Variants in RUSC2 observed in about 807,000 individuals in gnomAD.
RUSC2 encodes RUN and SH3 domain containing 2.
Under a neutral mutation model 122.2 loss-of-function variants are expected in RUSC2, and 34 were observed. The observed-to-expected ratio is 0.28, with a 90% CI of 0.21 to 0.37. RUSC2 has a LOEUF of 0.37. Ranked by LOEUF, RUSC2 falls within the 10% of genes least tolerant of loss-of-function variation. The pLI is 1.00. For missense variants in RUSC2, 1,747 were observed against 1,952.4 expected (o/e 0.89, Z 1.98); for synonymous variants, 784 against 790.0 (o/e 0.99, Z 0.13).
intron 1 of RUSC2, among the ~76,000 whole-genome samples, chr9:35,503,219 G>A (rs1474038740): frequency 6.6e-6 from 1 of 151,990 alleles, no homozygotes; most frequent in Non-Finnish European, 1.5e-5. Flanking sequence ...CCTGAGCAGT[G>A]TACACTATGC....
In RUSC2 at chr9:35,543,302, T is replaced by C. The variant is rs147862391; in HGVS notation, c.-92-3128T>C. 3.7e-3 allele frequency among the ~76,000 whole-genome samples: 570 copies of C among 152,184 alleles called. 2 individuals carry two copies. Among genetic ancestry groups the C allele is most frequent in the Non-Finnish European group, 5.8e-3 (392 of 68,022 alleles). On this transcript the variant is annotated intron_variant, in intron 1 of 11. Coordinates refer to ENST00000361226, the MANE Select transcript of RUSC2 (RefSeq NM_014806.5). The stretch of plus-strand genomic sequence containing the variant: ...TTAGCCAGGCGTGGTGGCACACACC[T>C]GTGGTCCTAGCTACTCAGGAGGCTG...
chr9:35,530,047 C>T (rs1280213136), intron 1 of RUSC2, among the ~76,000 whole-genome samples: 1 of 152,112 alleles, frequency 6.6e-6, no homozygotes, highest in Non-Finnish European at 1.5e-5. Flanking sequence ...TGCTTCCCGG[C>T]CTCAAGCCTT....
At chr9:35,542,372 T>G (rs566313142) in intron 1 of RUSC2, among the ~76,000 whole-genome samples, 7 of 152,356 alleles carry the variant, frequency 4.6e-5, no homozygotes, top group South Asian at 4.1e-4. Context: ...TAAAGATTTC[T>G]TAGGATACAG....
chr9:35,493,389 G>A (rs1020666509), intron 1 of RUSC2, among the ~76,000 whole-genome samples: 3 of 152,118 alleles, frequency 2.0e-5, no homozygotes, highest in Non-Finnish European at 4.4e-5. Flanking sequence ...TGTCATTGAT[G>A]GGTATTTAGG....
intron 1 of RUSC2, among the ~76,000 whole-genome samples, chr9:35,520,625 G>C (rs1821195778): frequency 6.6e-6 from 1 of 152,178 alleles, no homozygotes; most frequent in South Asian, 2.1e-4. Flanking sequence ...TGAAGCCCAG[G>C]AGCTAAAAGG....
chr9:35,539,568 CAT>C (rs1821601902), intron 1 of RUSC2, among the ~76,000 whole-genome samples: 1 of 117,162 alleles, frequency 8.5e-6, no homozygotes, highest in Non-Finnish European at 2.0e-5. Context: ...CACATACATA[CAT>C]ACATGCATGC....
rs1417508461 is a variant in RUSC2 at position 35,547,120 on chromosome 9, T to C, written c.599T>C (p.Met200Thr). Residue 200 changes from methionine to threonine, a missense_variant, in exon 2 of 12, where the codon ATG becomes ACG. Transcript: ENST00000361226. This position sits in a 1 kb window ranked among gnomAD's most constrained non-coding sequence, Gnocchi z 4.6. ...CCRPELEAET[M>T]ELDECGGPGG... is the part of the protein sequence containing the mutation. ...CGGCCAGAGCTGGAAGCAGAGACTA[T>C]GGAGCTGGATGAGTGTGGGGGACCT... The C allele has an allele frequency of 1.2e-6, 2 of 1,613,974 alleles. No individual in the cohort carries two copies. Among genetic ancestry groups the C allele is most frequent in the Non-Finnish European group, 1.7e-6 (2 of 1,180,024 alleles).
At chr9:35,560,875 A>C (rs1434963773) in intron 10 of RUSC2, 24 bp downstream of exon 10, 27 of 1,561,248 alleles carry the variant, frequency 1.7e-5, no homozygotes, top group Non-Finnish European at 2.3e-5. Flanking sequence ...CATGGTAGGG[A>C]TGGAGGGAGT....
At chr9:35,494,040 T>G (rs952087440) in intron 1 of RUSC2, among the ~76,000 whole-genome samples, 4 of 152,136 alleles carry the variant, frequency 2.6e-5, no homozygotes, top group African/African-American at 9.7e-5. Context: ...GTTTATTTAT[T>G]TATTTATTTA....
intron 1 of RUSC2, among the ~76,000 whole-genome samples, chr9:35,496,268 C>A (rs1260561322): frequency 6.6e-6 from 1 of 152,120 alleles, no homozygotes; most frequent in African/African-American, 2.4e-5. Context: ...AGAGAATCAA[C>A]AGGAAACAGA....
chr9:35,547,514 T>C lies in RUSC2; in HGVS notation c.993T>C (p.Ser331=), dbSNP rs1287578116. ...ATCTGCAGCCCTCCCCATTTGAGTCTAAGATGTCTTATGAGTCCCATCACC... is the reference window on the plus strand; with the variant it reads ...ATCTGCAGCCCTCCCCATTTGAGTCCAAGATGTCTTATGAGTCCCATCACC... ...YLDLQPSPFE[S]KMSYESHHPE... The change falls in exon 2 of 12, where the codon TCT becomes TCC. Residue 331 remains serine (S), a synonymous_variant. Transcript: ENST00000361226. This position sits in a 1 kb window ranked among gnomAD's most constrained non-coding sequence, Gnocchi z 4.6. 4 of 1,614,012 alleles carry C rather than the reference T, an allele frequency of 2.5e-6. No homozygotes were observed. The highest frequency in any genetic ancestry group is 3.4e-6 in the Non-Finnish European group (4 of 1,180,028).
intron 1 of RUSC2, among the ~76,000 whole-genome samples, chr9:35,534,626 T>C (rs1369045639): frequency 2.0e-5 from 3 of 152,060 alleles, no homozygotes; most frequent in Non-Finnish European, 4.4e-5. Flanking sequence ...GGATTACAGG[T>C]GTGCACCATC....
intron 1 of RUSC2, among the ~76,000 whole-genome samples, chr9:35,500,619 A>G (rs1262390600): frequency 6.6e-6 from 1 of 152,230 alleles, no homozygotes; most frequent in East Asian, 1.9e-4. Flanking sequence ...TACTGGAATG[A>G]GTTAAATTTC....
chr9:35,524,323 C>G (rs1157116521), intron 1 of RUSC2, among the ~76,000 whole-genome samples: 6 of 152,096 alleles, frequency 3.9e-5, no homozygotes, highest in South Asian at 2.1e-4. Flanking sequence ...CAAAACAAAC[C>G]TGTCATTTTT....
In RUSC2 at chr9:35,548,364, C is replaced by T. The variant is rs966290787; in HGVS notation, c.1843C>T (p.Pro615Ser). 4 of 1,613,986 alleles carry T rather than the reference C, an allele frequency of 2.5e-6. No individual in the cohort carries two copies. Among genetic ancestry groups the T allele is most frequent in the African/African-American group, 1.3e-5 (1 of 74,956 alleles). ...GGACCTACTTGGCCCAGACCCAAGT[C>T]CACCCTGGTCCACCCAGGTCTGTCA... ...GMDLLGPDPS[P>S]PWSTQVCQGP... is the part of the protein sequence containing the mutation. The change falls in exon 2 of 12, where the codon CCA (proline) becomes TCA (serine). Residue 615 changes from proline (P) to serine (S), a missense_variant. Transcript: ENST00000361226. The surrounding 1 kb of genome is among the most constrained non-coding windows in gnomAD (Gnocchi z 4.5).
intron 1 of RUSC2, among the ~76,000 whole-genome samples, chr9:35,494,523 A>G (rs996466569): frequency 1.3e-5 from 2 of 152,078 alleles, no homozygotes; most frequent in African/African-American, 2.4e-5. Context: ...CATGATTTTG[A>G]TTCATATTTC....
intron 1 of RUSC2, among the ~76,000 whole-genome samples, chr9:35,527,147 TTC>T (rs1554725221): frequency 6.7e-6 from 1 of 148,862 alleles, no homozygotes; most frequent in African/African-American, 2.6e-5. Context: ...TGTTTTTTTT[TTC>T]TTTTTTGAGA....
chr9:35,505,232 T>C (rs1820891414), intron 1 of RUSC2, among the ~76,000 whole-genome samples: 1 of 152,226 alleles, frequency 6.6e-6, no homozygotes, highest in African/African-American at 2.4e-5. Flanking sequence ...GTTAAGTCTT[T>C]AGTTTTCTTT....
intron 1 of RUSC2, among the ~76,000 whole-genome samples, chr9:35,514,926 CACA>C (rs2132509703): frequency 6.6e-6 from 1 of 152,308 alleles, no homozygotes; most frequent in South Asian, 2.1e-4. Context: ...AGAAGTTGCA[CACA>C]ACAATTCCAC....
Sources: gnomAD v4.1 joint callset for allele counts (sites outside exome capture counted in the v4.1 genomes callset) on GRCh38, gnomAD v4.1.1 for gene constraint, Gnocchi (gnomAD v3.1) non-coding constraint, MANE v1.5 for transcripts, NCBI Gene and HGNC (gene_info 2026-07-23, HGNC 2026-07-21) for gene names.